Variants in CTNND2 observed in about 807,000 individuals in gnomAD.
CTNND2 encodes catenin delta-2.
Under a neutral mutation model 144.4 loss-of-function variants are expected in CTNND2, and 22 were observed. The ratio of observed to expected loss-of-function variants is 0.15; its 90% CI spans 0.11 to 0.22. CTNND2 has a LOEUF of 0.22. Among genes scored for constraint, CTNND2 ranks in the 10% least tolerant of loss-of-function variants. CTNND2 has a pLI of 1.00. For synonymous variants in CTNND2, 751 were observed against 695.6 expected, an observed-to-expected ratio of 1.08 and a Z score of -1.25; for missense variants, 1,353 against 1,618.8, an observed-to-expected ratio of 0.84 and a Z score of 2.82.
chr5:11,864,267 A>G (rs10474937), intron 1 of CTNND2, among the ~76,000 whole-genome samples: 98,605 of 152,064 alleles, frequency 0.65, 32,739 homozygotes, highest in East Asian at 0.81. Context: ...CAATTTTAAC[A>G]GCAGACAAAT....
chr5:11,168,821 G>C (rs761290637), intron 11 of CTNND2, among the ~76,000 whole-genome samples: 8 of 152,114 alleles, frequency 5.3e-5, no homozygotes, highest in Non-Finnish European at 8.8e-5. Context: ...AGAGGAGAGA[G>C]AGAAAGTGAA....
Position 11,323,235 on chromosome 5 carries a change from G to GC in CTNND2, c.1628+23136_1628+23137insG, listed in dbSNP as rs967142651. Among the ~76,000 whole-genome samples, 3 of 147,016 alleles carry GC rather than the reference G, an allele frequency of 2.0e-5. 1 individual carries two copies. The highest frequency in any genetic ancestry group is 4.5e-5 in the Non-Finnish European group (3 of 66,432). On this transcript the variant is annotated intron_variant, in intron 9 of 21. Coordinates refer to ENST00000304623, the MANE Select transcript of CTNND2 (RefSeq NM_001332.4). ...AAAACAAAAACATTTAGAGATTGGGGGGGGGGGTCTCACTATATTGCCCAG... is the reference window on the plus strand; with the variant it reads ...AAAACAAAAACATTTAGAGATTGGGGCGGGGGGGTCTCACTATATTGCCCAG...
At chr5:11,353,999 G>T (rs141615586) in intron 8 of CTNND2, among the ~76,000 whole-genome samples, 99 of 152,220 alleles carry the variant, frequency 6.5e-4, no homozygotes, top group African/African-American at 2.2e-3. Flanking sequence ...TTTACCTTGA[G>T]TAAGATGAGG....
At chr5:11,171,311 A>G (rs1759881933) in intron 11 of CTNND2, among the ~76,000 whole-genome samples, 1 of 152,224 alleles carries the variant, frequency 6.6e-6, no homozygotes, top group South Asian at 2.1e-4. Flanking sequence ...GAGCTGGGGT[A>G]TAAACACAGG....
chr5:11,415,503 G>A lies in CTNND2; in HGVS notation c.288-3434C>T, dbSNP rs149867872. Among the ~76,000 whole-genome samples the A allele has an allele frequency of 2.6e-5, 4 of 152,174 alleles. No individual in the cohort carries two copies. In the East Asian group the frequency reaches 7.7e-4, roughly 29 times the overall value. ...TGCCTCTATTTCTAGCTAATTGGGAGGTCAACATGGGAAGATTCTTTGAGT... is the reference window on the plus strand; with the variant it reads ...TGCCTCTATTTCTAGCTAATTGGGAAGTCAACATGGGAAGATTCTTTGAGT... On this transcript the variant is annotated intron_variant, in intron 3 of 21. Coordinates refer to ENST00000304623, the MANE Select transcript of CTNND2 (RefSeq NM_001332.4).
chr5:11,267,389 C>T (rs1256943786), intron 9 of CTNND2, among the ~76,000 whole-genome samples: 1 of 152,168 alleles, frequency 6.6e-6, no homozygotes, highest in Non-Finnish European at 1.5e-5. Flanking sequence ...AAAAACATTT[C>T]TACAGTTTAT....
intron 19 of CTNND2, among the ~76,000 whole-genome samples, chr5:10,990,438 T>C (rs1738542499): frequency 6.6e-6 from 1 of 152,186 alleles, no homozygotes; most frequent in Non-Finnish European, 1.5e-5. Context: ...CTCGCTAACC[T>C]CTTCCACCTG....
chr5:11,276,279 T>A, intron 9 of CTNND2, among the ~76,000 whole-genome samples: 1 of 152,136 alleles, frequency 6.6e-6, no homozygotes, highest in Non-Finnish European at 1.5e-5. Context: ...ATCAAAGCCT[T>A]GAGTCTGGAT....
intron 16 of CTNND2, among the ~76,000 whole-genome samples, chr5:11,040,678 A>G (rs1343191312): frequency 6.6e-6 from 1 of 152,250 alleles, no homozygotes; most frequent in Non-Finnish European, 1.5e-5. Context: ...AATTAACAAG[A>G]GATTTGCTGA....
intron 1 of CTNND2, among the ~76,000 whole-genome samples, chr5:11,792,308 CAT>C (rs946680075): frequency 8.6e-6 from 1 of 115,936 alleles, no homozygotes; most frequent in African/African-American, 3.1e-5. Flanking sequence ...CACACACACA[CAT>C]ATATATTTTA....
intron 11 of CTNND2, among the ~76,000 whole-genome samples, chr5:11,194,946 T>G (rs1197058046): frequency 2.6e-5 from 4 of 152,130 alleles, no homozygotes; most frequent in Non-Finnish European, 4.4e-5. Flanking sequence ...AAATAAATGT[T>G]GGATATCAGT....
Position 11,316,464 on chromosome 5 carries a change from A to ATTT in CTNND2, c.1628+29905_1628+29907dup, listed in dbSNP as rs113458951. On this transcript the variant is annotated intron_variant, in intron 9 of 21. Coordinates refer to ENST00000304623, the MANE Select transcript of CTNND2 (RefSeq NM_001332.4). ...CGTGAGGTAGGTACTCTTATCCACT[A>ATTT]TTTTTTATTATTATTATTATTATTA... is the stretch of plus-strand genomic sequence containing the variant. 6.4e-3 allele frequency among the ~76,000 whole-genome samples: 387 copies of ATTT among 60,256 alleles called. 2 individuals carry two copies. The highest frequency in any genetic ancestry group is 0.024 in the South Asian group (48 of 1,964). 39.5% of individuals were successfully genotyped at this position (60,256 alleles called of 152,430 possible). A position where few individuals can be genotyped will look rare whatever the true frequency, so the allele number is the denominator to read the frequency against.
At chr5:11,858,792 G>A (rs1795366999) in intron 1 of CTNND2, among the ~76,000 whole-genome samples, 1 of 152,162 alleles carries the variant, frequency 6.6e-6, no homozygotes, top group Non-Finnish European at 1.5e-5. Context: ...AGCTGGGCAT[G>A]GTGGCGGGTG....
At chr5:11,077,737 C>T (rs6862028) in intron 16 of CTNND2, among the ~76,000 whole-genome samples, 1 of 151,846 alleles carries the variant, frequency 6.6e-6, no homozygotes, top group Non-Finnish European at 1.5e-5. Flanking sequence ...TAAGGGGGTG[C>T]TCAGGAATAA....
chr5:11,006,346 G>A (rs994567706), intron 18 of CTNND2, among the ~76,000 whole-genome samples: 4 of 152,178 alleles, frequency 2.6e-5, no homozygotes, highest in Admixed American at 6.5e-5. Flanking sequence ...TCACACCCAC[G>A]TGATGGAGAT....
intron 2 of CTNND2, among the ~76,000 whole-genome samples, chr5:11,653,420 CA>C (rs1408376715): frequency 6.6e-6 from 1 of 151,974 alleles, no homozygotes; most frequent in Non-Finnish European, 1.5e-5. Flanking sequence ...TTTTTTATAA[CA>C]GCAATACTAA....
At chr5:11,673,020 G>A (rs1173913941) in intron 2 of CTNND2, among the ~76,000 whole-genome samples, 2 of 152,116 alleles carry the variant, frequency 1.3e-5, no homozygotes, top group African/African-American at 2.4e-5. Context: ...GATCTTGCTG[G>A]GAGCTGCAGA....
At chr5:10,983,812 AC>A (rs1737595708) in intron 20 of CTNND2, among the ~76,000 whole-genome samples, 1 of 152,006 alleles carries the variant, frequency 6.6e-6, no homozygotes, top group South Asian at 2.1e-4. Flanking sequence ...AATGCCCTTC[AC>A]CCTGAGACGG....
At chr5:11,103,034 T>C (rs894726032) in intron 14 of CTNND2, among the ~76,000 whole-genome samples, 1 of 131,504 alleles carries the variant, frequency 7.6e-6, no homozygotes, top group Non-Finnish European at 1.5e-5. Flanking sequence ...CAGGCTGGAG[T>C]GCAGTGGCAC....
Sources: gnomAD v4.1 joint callset for allele counts (sites outside exome capture counted in the v4.1 genomes callset) on GRCh38, gnomAD v4.1.1 for gene constraint, MANE v1.5 for transcripts, NCBI Gene and HGNC (gene_info 2026-07-23, HGNC 2026-07-21) for gene names.